Variants in BTBD7 observed in about 807,000 individuals in gnomAD.
The protein encoded by BTBD7 is BTB/POZ domain-containing protein 7.
BTBD7 carries 38 observed loss-of-function variants against 99.9 expected under a neutral mutation model. The observed-to-expected ratio is 0.38, with a 90% confidence interval of 0.29 to 0.50. BTBD7 has a LOEUF of 0.50. Ranked by LOEUF, BTBD7 falls within the 20% of genes least tolerant of loss-of-function variation. The probability of loss-of-function intolerance (pLI) is 0.93; values close to 1 mark genes in which losing one functional copy is unlikely to be tolerated. For missense variants in BTBD7, 1,170 were observed against 1,394.6 expected (o/e 0.84, Z 2.57); for synonymous variants, 520 against 511.4 (o/e 1.02, Z -0.23).
At chr14:93,327,771 T>C (rs1477888893) in intron 1 of BTBD7, among the ~76,000 whole-genome samples, 2 of 152,156 alleles carry the variant, frequency 1.3e-5, no homozygotes, top group Admixed American at 6.5e-5. Flanking sequence ...CCGGAAGTCC[T>C]AGCTGAGATT....
chr14:93,288,602 C>G (rs2052808828), intron 3 of BTBD7: 1 of 990,702 alleles, frequency 1.0e-6, no homozygotes. Flanking sequence ...AAGCTTTCCT[C>G]AAATGTCCAG....
chr14:93,248,518 T>G lies in BTBD7; in HGVS notation c.2079A>C (p.Leu693=). Residue 693 remains leucine (L), a synonymous_variant, in exon 9 of 11, where the codon CTA becomes CTC. Coordinates refer to ENST00000334746, the MANE Select transcript of BTBD7 (RefSeq NM_001002860.4). ...CAGCATCTGCAAGACCAAACTCTCT[T>G]AGCACTCGAATCTGAATTTCATAGC... The part of the protein sequence containing the change: ...TVSYEIQIRV[L]REFGLADAAA... 1 of 1,614,180 alleles carries G rather than the reference T, an allele frequency of 6.2e-7. No individual in the cohort carries two copies. The highest frequency in any genetic ancestry group is 1.1e-5 in the South Asian group (1 of 91,088).
chr14:93,244,692 A>C (rs886665737), intron 10 of BTBD7, among the ~76,000 whole-genome samples: 1 of 151,992 alleles, frequency 6.6e-6, no homozygotes, highest in Non-Finnish European at 1.5e-5. Flanking sequence ...TAAAATCTTG[A>C]GGTTATGTTA....
chr14:93,249,477 G>C (rs1018542843), intron 8 of BTBD7, among the ~76,000 whole-genome samples: 1 of 152,172 alleles, frequency 6.6e-6, no homozygotes, highest in Non-Finnish European at 1.5e-5. Context: ...GTGCACAACA[G>C]GCAGTCACTT....
chr14:93,267,411 T>C (rs903668575), intron 3 of BTBD7, among the ~76,000 whole-genome samples: 3 of 152,216 alleles, frequency 2.0e-5, no homozygotes, highest in Admixed American at 6.5e-5. Context: ...AGGGTTGTTA[T>C]GGGATTTAAA....
chr14:93,262,003 T>C lies in BTBD7; in HGVS notation c.1372-326A>G, dbSNP rs918545431. Among the ~76,000 whole-genome samples, 7 of 152,336 alleles carry C rather than the reference T, an allele frequency of 4.6e-5. No homozygotes were observed. In the South Asian group the frequency reaches 8.3e-4, roughly 18 times the overall value. On this transcript the variant is annotated intron_variant, in intron 4 of 10. Coordinates refer to ENST00000334746, the MANE Select transcript of BTBD7 (RefSeq NM_001002860.4). ...CCTTTTGAGATGAAGTCGTACTCTA[T>C]TGCCCAGGCTGGAGTGCAGCAGTGC... is the stretch of plus-strand genomic sequence containing the variant.
chr14:93,240,968 G>C lies in BTBD7; in HGVS notation c.*1305C>G, dbSNP rs545150110. On this transcript the variant is annotated 3_prime_UTR_variant, in exon 11 of 11. Transcript: ENST00000334746. The stretch of plus-strand genomic sequence containing the variant: ...TTTTGAAAATCGTTTAAAAGAAAAC[G>C]TATCTTTACAAACACCAAATAACAT... 3 of 152,492 alleles carry C rather than the reference G, an allele frequency of 2.0e-5. No individual in the cohort carries two copies. Among genetic ancestry groups the C allele is most frequent in the African/African-American group, 7.2e-5 (3 of 41,522 alleles). 9.4% of individuals were successfully genotyped at this position (152,492 alleles called of 1,614,324 possible). A position where few individuals can be genotyped will look rare whatever the true frequency, so the allele number is the denominator to read the frequency against.
intron 1 of BTBD7, among the ~76,000 whole-genome samples, chr14:93,301,605 G>A (rs1370695915): frequency 1.3e-5 from 2 of 152,146 alleles, no homozygotes; most frequent in Admixed American, 6.5e-5. Flanking sequence ...CAGGAAGATT[G>A]CTTGTGCCAG....
At chr14:93,247,528 TACAG>T (rs1263422174) in intron 9 of BTBD7, among the ~76,000 whole-genome samples, 1 of 152,170 alleles carries the variant, frequency 6.6e-6, no homozygotes, top group African/African-American at 2.4e-5. Flanking sequence ...GCATTTTTAG[TACAG>T]ACAGGGTTTC....
chr14:93,261,317 G>A (rs1206068095), intron 5 of BTBD7, among the ~76,000 whole-genome samples: 1 of 152,106 alleles, frequency 6.6e-6, no homozygotes, highest in Non-Finnish European at 1.5e-5. Flanking sequence ...GAAATTATAT[G>A]AAATTTTTCA....
chr14:93,317,804 C>A (rs1349133177), intron 1 of BTBD7, among the ~76,000 whole-genome samples: 1 of 152,182 alleles, frequency 6.6e-6, no homozygotes, highest in African/African-American at 2.4e-5. Flanking sequence ...ATGGTTTATG[C>A]TGAATATCTG....
chr14:93,327,390 T>C lies in BTBD7; in HGVS notation c.-107+5430A>G, dbSNP rs911806809. Among the ~76,000 whole-genome samples, 3 of 152,152 alleles carry C rather than the reference T, an allele frequency of 2.0e-5. No individual in the cohort carries two copies. The South Asian group carries it at 6.2e-4, about 31-fold the overall frequency. On this transcript the variant is annotated intron_variant, in intron 1 of 10. Coordinates refer to ENST00000334746, the MANE Select transcript of BTBD7 (RefSeq NM_001002860.4). ...TACATCTGCATAATTATTTGAGTAA[T>C]GTCAGTCTTCCCCACTAAATAACTA...
chr14:93,279,917 G>A (rs1308031048), intron 3 of BTBD7, among the ~76,000 whole-genome samples: 1 of 152,134 alleles, frequency 6.6e-6, no homozygotes, highest in Non-Finnish European at 1.5e-5. Context: ...CTCCAATAAT[G>A]TCCCATTGTT....
intron 3 of BTBD7, among the ~76,000 whole-genome samples, chr14:93,266,725 C>T (rs2052547116): frequency 6.6e-6 from 1 of 152,166 alleles, no homozygotes. Context: ...GACATCCAAG[C>T]TGATTTCATC....
At chr14:93,256,601 TA>T (rs1324777041) in intron 6 of BTBD7, 2 of 152,426 alleles carry the variant, frequency 1.3e-5, no homozygotes, top group Non-Finnish European at 2.9e-5. Flanking sequence ...GTATGTTTAG[TA>T]GAGATGGGGT....
intron 1 of BTBD7, among the ~76,000 whole-genome samples, chr14:93,331,159 GCT>G (rs1484255689): frequency 6.6e-6 from 1 of 152,136 alleles, no homozygotes; most frequent in African/African-American, 2.4e-5. Context: ...TGAGACAGAG[GCT>G]CTCATTTTCG....
intron 3 of BTBD7, among the ~76,000 whole-genome samples, chr14:93,281,786 T>C (rs2052723490): frequency 6.6e-6 from 1 of 152,238 alleles, no homozygotes; most frequent in Admixed American, 6.5e-5. Flanking sequence ...AAAGCATTGG[T>C]AGTAGACAAA....
intron 3 of BTBD7, among the ~76,000 whole-genome samples, chr14:93,273,125 C>A (rs372244418): frequency 6.6e-6 from 1 of 152,166 alleles, no homozygotes; most frequent in Non-Finnish European, 1.5e-5. Context: ...AGGTCTCCCC[C>A]TCCCATTCCT....
At chr14:93,259,803 A>C (rs1199463851) in intron 5 of BTBD7, among the ~76,000 whole-genome samples, 1 of 152,116 alleles carries the variant, frequency 6.6e-6, no homozygotes, top group Non-Finnish European at 1.5e-5. Flanking sequence ...GCGTGGTGGC[A>C]CGTGCCTGTA....
Sources: allele counts gnomAD v4.1 joint callset (sites outside exome capture counted in the v4.1 genomes callset), GRCh38; gene constraint gnomAD v4.1.1; transcripts MANE v1.5; gene names NCBI Gene and HGNC (gene_info 2026-07-23, HGNC 2026-07-21).